Variants in DCDC2 observed in about 807,000 individuals in gnomAD.
DCDC2 encodes the protein doublecortin domain-containing protein 2.
A neutral mutation model predicts 50.2 loss-of-function variants in DCDC2; 40 were observed. The observed-to-expected ratio is 0.80, with a 90% CI of 0.62 to 1.04. The LOEUF (loss-of-function observed/expected upper bound fraction) is 1.04. Ranked by LOEUF, DCDC2 falls within the 50% of genes least tolerant of loss-of-function variation. The probability of loss-of-function intolerance (pLI) is 0.00; values close to 1 mark genes in which losing one functional copy is unlikely to be tolerated. For synonymous variants in DCDC2, 234 were observed against 210.6 expected, an observed-to-expected ratio of 1.11 and a Z score of -0.96; for missense variants, 570 against 581.9, an observed-to-expected ratio of 0.98 and a Z score of 0.21.
chr6:24,203,852 G>T (rs960175309), intron 8 of DCDC2, among the ~76,000 whole-genome samples: 5 of 152,130 alleles, frequency 3.3e-5, no homozygotes, highest in African/African-American at 1.2e-4. Flanking sequence ...CTTCTCAAAA[G>T]AAGACACTTA....
At chr6:24,326,190 G>GAAGGAAGA (rs1554119256) in intron 2 of DCDC2, among the ~76,000 whole-genome samples, 21 of 143,704 alleles carry the variant, frequency 1.5e-4, no homozygotes, top group East Asian at 4.9e-4. Context: ...AGGAAGGAAG[G>GAAGGAAGA]AAGAAAGGAA....
intron 7 of DCDC2, among the ~76,000 whole-genome samples, chr6:24,243,457 A>G (rs1450761387): frequency 6.6e-6 from 1 of 152,210 alleles, no homozygotes; most frequent in Non-Finnish European, 1.5e-5. Flanking sequence ...AGGCTAAAAG[A>G]GTCTTACCTC....
At chr6:24,343,808 A>T (rs1427738053) in intron 2 of DCDC2, among the ~76,000 whole-genome samples, 1 of 152,346 alleles carries the variant, frequency 6.6e-6, no homozygotes, top group Middle Eastern at 3.4e-3. Flanking sequence ...TATTGAGAAT[A>T]GTTTGATATT....
At chr6:24,308,747 C>T (rs1759520429) in intron 2 of DCDC2, among the ~76,000 whole-genome samples, 1 of 151,958 alleles carries the variant, frequency 6.6e-6, no homozygotes, top group Non-Finnish European at 1.5e-5. Context: ...TCTAAAGAAA[C>T]AAAAGAAAAT....
At chr6:24,205,881 A>G (rs1403965091) in intron 7 of DCDC2, among the ~76,000 whole-genome samples, 3 of 152,314 alleles carry the variant, frequency 2.0e-5, no homozygotes, top group Admixed American at 2.0e-4. Context: ...GCCTCAAGAC[A>G]GGTTTAGTGC....
At chr6:24,327,780 A>G (rs193129252) in intron 2 of DCDC2, among the ~76,000 whole-genome samples, 2 of 152,272 alleles carry the variant, frequency 1.3e-5, no homozygotes, top group Admixed American at 1.3e-4. Flanking sequence ...TGGCAACATT[A>G]TAAACTTATA....
chr6:24,335,724 G>A (rs1760045883), intron 2 of DCDC2, among the ~76,000 whole-genome samples: 1 of 152,206 alleles, frequency 6.6e-6, no homozygotes, highest in Non-Finnish European at 1.5e-5. Flanking sequence ...GGCAGAAGGG[G>A]AAGCAGGCAA....
At chr6:24,334,539 T>A (rs1357809201) in intron 2 of DCDC2, among the ~76,000 whole-genome samples, 1 of 152,174 alleles carries the variant, frequency 6.6e-6, no homozygotes, top group Non-Finnish European at 1.5e-5. Context: ...CAGAGTTGAG[T>A]AGTTACCACA....
intron 7 of DCDC2, among the ~76,000 whole-genome samples, chr6:24,264,851 CT>C (rs1469131789): frequency 2.0e-5 from 3 of 151,154 alleles, no homozygotes; most frequent in Non-Finnish European, 4.4e-5. Context: ...AAAAAGAGAC[CT>C]GACAATCTGT....
At chr6:24,270,094 A>C (rs1035806143) in intron 7 of DCDC2, among the ~76,000 whole-genome samples, 1 of 152,202 alleles carries the variant, frequency 6.6e-6, no homozygotes, top group African/African-American at 2.4e-5. Flanking sequence ...GAAGGAAGAC[A>C]GGTCAAAACA....
At chr6:24,180,157 G>A (rs1179060641) in intron 8 of DCDC2, among the ~76,000 whole-genome samples, 2 of 152,010 alleles carry the variant, frequency 1.3e-5, no homozygotes, top group Admixed American at 1.3e-4. Flanking sequence ...TATATAAAGT[G>A]TCATAGTTTC....
In DCDC2 at chr6:24,288,803, T is replaced by C. The variant is rs1377728647; in HGVS notation, c.759+49A>G. 6 of 1,530,366 alleles carry C rather than the reference T, an allele frequency of 3.9e-6. No individual in the cohort carries two copies. In the African/African-American group the frequency reaches 8.2e-5, roughly 21 times the overall value. 94.8% of individuals were successfully genotyped at this position (1,530,366 alleles called of 1,614,324 possible). The stretch of plus-strand genomic sequence containing the variant: ...TGAAGCCCAAAGGACAGTCTCTTTG[T>C]ATCATATAAAAATATAGAACATCAA... On this transcript the variant is annotated intron_variant, in intron 6 of 9. Transcript: ENST00000378454.
rs1407438752 is a variant in DCDC2 at position 24,178,564 on chromosome 6, T to G, written c.1092A>C (p.Glu364Asp). Reference protein sequence around the residue: ...EKANKDAEQKEDFSGMNGDLE... With the variant: ...EKANKDAEQKDDFSGMNGDLE... The stretch of plus-strand genomic sequence containing the variant: ...GGTCACCATTCATTCCTGAAAAGTC[T>G]TCTTTCTGTTCTGCATCCTTGTTTG... Residue 364 changes from glutamate (E) to aspartate (D), a missense_variant, in exon 9 of 10, where the codon GAA (glutamate) becomes GAC (aspartate). By Grantham distance (45) the Glu-to-Asp change is conservative. Coordinates refer to ENST00000378454, the MANE Select transcript of DCDC2 (RefSeq NM_016356.5). 10 of 1,614,068 alleles carry G rather than the reference T, an allele frequency of 6.2e-6. No homozygotes were observed. In the African/African-American group the frequency reaches 6.7e-5, roughly 11 times the overall value.
At position 24,270,468 on chromosome 6, in the gene DCDC2, GCA is replaced by G. The variant is rs201676638; in HGVS notation, c.922+7579_922+7580del. ...TAATATAGGTATAATTGACCTACAT[GCA>G]CACACACACATATATATCAACAAAT... is the stretch of plus-strand genomic sequence containing the variant. On this transcript the variant is annotated intron_variant, in intron 7 of 9. Transcript: ENST00000378454. 3.5e-3 allele frequency among the ~76,000 whole-genome samples: 529 copies of G among 152,014 alleles called. 1 individual carries two copies. Among genetic ancestry groups the G allele is most frequent in the African/African-American group, 0.012 (509 of 41,462 alleles).
chr6:24,193,370 A>G (rs1173608811), intron 8 of DCDC2, among the ~76,000 whole-genome samples: 1 of 152,164 alleles, frequency 6.6e-6, no homozygotes, highest in African/African-American at 2.4e-5. Flanking sequence ...GAAAAATACC[A>G]GGATAACTCT....
intron 2 of DCDC2, among the ~76,000 whole-genome samples, chr6:24,302,455 A>G (rs73396035): frequency 0.077 from 11,715 of 151,854 alleles, 595 homozygotes; most frequent in African/African-American, 0.15. Context: ...TTCCTTTCCC[A>G]TTCCCATGCA....
At chr6:24,177,192 GAACT>G (rs1351065399) in intron 9 of DCDC2, among the ~76,000 whole-genome samples, 2 of 152,158 alleles carry the variant, frequency 1.3e-5, no homozygotes, top group Non-Finnish European at 2.9e-5. Context: ...GGACTATGTA[GAACT>G]AATATGGGGA....
At chr6:24,272,262 T>C (rs1200877613) in intron 7 of DCDC2, among the ~76,000 whole-genome samples, 1 of 152,150 alleles carries the variant, frequency 6.6e-6, no homozygotes, top group Non-Finnish European at 1.5e-5. Flanking sequence ...CTCAAGAAAA[T>C]TACTAAGACC....
At chr6:24,284,115 C>T (rs1421161447) in intron 6 of DCDC2, among the ~76,000 whole-genome samples, 1 of 152,192 alleles carries the variant, frequency 6.6e-6, no homozygotes, top group Non-Finnish European at 1.5e-5. Flanking sequence ...ATCATATGAA[C>T]TCAATAAATA....
Sources: gnomAD v4.1 joint callset for allele counts (sites outside exome capture counted in the v4.1 genomes callset) on GRCh38, gnomAD v4.1.1 for gene constraint, MANE v1.5 for transcripts, NCBI Gene and HGNC (gene_info 2026-07-23, HGNC 2026-07-21) for gene names.